CCDC77: variants seen among roughly 807,000 people sequenced by gnomAD.
CCDC77 encodes the protein coiled-coil domain-containing protein 77.
A neutral mutation model predicts 66.8 loss-of-function variants in CCDC77; 56 were observed. That is an observed-to-expected ratio of 0.84 (90% CI 0.68 to 1.05). CCDC77 has a LOEUF of 1.05. Among genes scored for constraint, CCDC77 ranks in the 50% least tolerant of loss-of-function variants. The pLI, the probability that CCDC77 is intolerant of heterozygous loss-of-function variation, is 0.00. For synonymous variants in CCDC77, 196 were observed against 195.2 expected, an observed-to-expected ratio of 1.00 and a Z score of -0.03; for missense variants, 570 against 576.8, an observed-to-expected ratio of 0.99 and a Z score of 0.12.
chr12:423,129 T>TCC (rs1555145496), intron 5 of CCDC77, among the ~76,000 whole-genome samples: 1 of 113,960 alleles, frequency 8.8e-6, no homozygotes, highest in African/African-American at 3.3e-5. Flanking sequence ...TTTTTTTTTT[T>TCC]TTTTTTTTTG....
At position 411,749 on chromosome 12, in the gene CCDC77, G is replaced by T. The variant is rs776322698; in HGVS notation, c.41G>T (p.Arg14Leu). 1.9e-6 allele frequency: 3 copies of T among 1,611,854 alleles called. No individual in the cohort carries two copies. The highest frequency in any genetic ancestry group is 2.5e-6 in the Non-Finnish European group (3 of 1,178,750). Reference sequence around the variant, plus strand: ...ATATCATTTCTAATTTCACGTAGGCGAACAGTTGTCTCCAAACGTGGTGTT... The same window carrying T: ...ATATCATTTCTAATTTCACGTAGGCTAACAGTTGTCTCCAAACGTGGTGTT... ...TPTHTPVCRKRTVVSKRGVAV... is the reference protein window; with the variant it reads ...TPTHTPVCRKLTVVSKRGVAV... Residue 14 changes from arginine to leucine, a missense_variant and splice_region_variant, in exon 4 of 13, where the codon CGA (arginine) becomes CTA (leucine). Arg to Leu is a moderately radical substitution (Grantham distance 102, BLOSUM62 -2). Transcript: ENST00000239830.
At chr12:438,766 A>G (rs1461454212) in intron 10 of CCDC77, among the ~76,000 whole-genome samples, 1 of 152,126 alleles carries the variant, frequency 6.6e-6, no homozygotes, top group African/African-American at 2.4e-5. Flanking sequence ...CATTCATTCA[A>G]CAAATATTTA....
At chr12:417,012 AC>A (rs1945299493) in intron 4 of CCDC77, among the ~76,000 whole-genome samples, 1 of 151,726 alleles carries the variant, frequency 6.6e-6, no homozygotes, top group Non-Finnish European at 1.5e-5. Context: ...GGTGGCACAT[AC>A]CTGTAGTCCC....
At position 430,657 on chromosome 12, in the gene CCDC77, T is replaced by G. The variant is rs752187495; in HGVS notation, c.511-7T>G. The G allele has an allele frequency of 2.5e-6, 4 of 1,611,804 alleles. No individual in the cohort carries two copies. The highest frequency in any genetic ancestry group is 3.4e-6 in the Non-Finnish European group (4 of 1,177,958). ...GGCTACTTCAATACCAGTTTTTGCT[T>G]CTTCAGGTCACCATTCTCCAAAAGA... On this transcript the variant is annotated splice_region_variant and splice_polypyrimidine_tract_variant and intron_variant, in intron 6 of 12. Coordinates refer to ENST00000239830, the MANE Select transcript of CCDC77 (RefSeq NM_032358.4).
At chr12:407,042 C>T (rs1945007587) in intron 2 of CCDC77, among the ~76,000 whole-genome samples, 1 of 152,222 alleles carries the variant, frequency 6.6e-6, no homozygotes, top group Non-Finnish European at 1.5e-5. Context: ...CGCAGTGACT[C>T]ATGCCTATAA....
At chr12:404,009 T>C (rs1218850457) in intron 1 of CCDC77, among the ~76,000 whole-genome samples, 1 of 152,110 alleles carries the variant, frequency 6.6e-6, no homozygotes. Flanking sequence ...GGTCCCAAAG[T>C]GATATATTTT....
chr12:422,413 A>T (rs1261649734), intron 5 of CCDC77, among the ~76,000 whole-genome samples: 1 of 152,246 alleles, frequency 6.6e-6, no homozygotes, highest in Non-Finnish European at 1.5e-5. Flanking sequence ...TTGTATACTC[A>T]TTCAACAGTA....
intron 1 of CCDC77, among the ~76,000 whole-genome samples, chr12:396,157 C>A (rs1025836820): frequency 6.6e-6 from 1 of 152,188 alleles, no homozygotes; most frequent in African/African-American, 2.4e-5. Flanking sequence ...TTTGGGAGGC[C>A]AAGGCGGGCA....
At chr12:402,513 G>A (rs576892205) in intron 1 of CCDC77, among the ~76,000 whole-genome samples, 7 of 152,186 alleles carry the variant, frequency 4.6e-5, no homozygotes, top group Middle Eastern at 3.2e-3. Flanking sequence ...CTAGAGGGAA[G>A]CTCATGAACA....
chr12:413,591 C>G (rs992947895), intron 4 of CCDC77, among the ~76,000 whole-genome samples: 1 of 150,228 alleles, frequency 6.7e-6, no homozygotes, highest in Non-Finnish European at 1.5e-5. Flanking sequence ...AGTCACACTT[C>G]CAGAATCTTT....
intron 1 of CCDC77, chr12:389,571 C>CGAGGCGGGGCGAGGCAG: frequency 4.5e-6 from 1 of 223,110 alleles, no homozygotes; most frequent in South Asian, 6.9e-5. Flanking sequence ...GGGCGAGGCG[C>CGAGGCGGGGCGAGGCAG]AACGAGGCGG....
At chr12:429,872 G>C (rs2041298) in intron 6 of CCDC77, among the ~76,000 whole-genome samples, 117,137 of 152,214 alleles carry the variant, frequency 0.77, 45,171 homozygotes, top group Middle Eastern at 0.85. Flanking sequence ...TCCTTCCACT[G>C]TAGCCAGCCT....
chr12:433,136 G>A, intron 8 of CCDC77, 38 bp from the exon 9 acceptor site: 1 of 1,578,512 alleles, frequency 6.3e-7, no homozygotes, highest in Non-Finnish European at 8.6e-7. Context: ...GTAAGTGGAA[G>A]TAGGGCTGGA....
intron 10 of CCDC77, among the ~76,000 whole-genome samples, chr12:439,952 C>T (rs1054233864): frequency 2.0e-5 from 3 of 152,014 alleles, no homozygotes; most frequent in Non-Finnish European, 4.4e-5. Flanking sequence ...TGGGACTAAG[C>T]TTGCCATACA....
At chr12:427,206 T>C (rs138247308) in intron 5 of CCDC77, among the ~76,000 whole-genome samples, 1,667 of 151,792 alleles carry the variant, frequency 0.011, 37 homozygotes, top group African/African-American at 0.036. Context: ...GATCATGCCA[T>C]TGCACTCCAG....
At position 438,530 on chromosome 12, in the gene CCDC77, C is replaced by G; in HGVS notation, c.1017C>G (p.His339Gln). ...GKVLPVMHES[H>Q]HAQSEYIKSL... The stretch of plus-strand genomic sequence containing the variant: ...TGTTGCCCGTTATGCATGAGAGTCA[C>G]CATGCTCAAAGTGAATATATTAAGG... The change falls in exon 10 of 13, where the codon CAC (histidine) becomes CAG (glutamine). Residue 339 changes from histidine (H) to glutamine (Q), a missense_variant. His to Gln is a conservative substitution (Grantham distance 24, BLOSUM62 0). Transcript: ENST00000239830. The G allele has an allele frequency of 1.2e-6, 2 of 1,611,740 alleles. No homozygotes were observed. Among genetic ancestry groups the G allele is most frequent in the Non-Finnish European group, 1.7e-6 (2 of 1,178,076 alleles).
intron 5 of CCDC77, among the ~76,000 whole-genome samples, chr12:427,719 G>A (rs140034105): frequency 0.012 from 1,820 of 152,028 alleles, 15 homozygotes; most frequent in Non-Finnish European, 0.017. Flanking sequence ...CAGGTGATCC[G>A]CCTGCCTCAG....
chr12:395,605 C>T (rs1475275801), intron 1 of CCDC77, among the ~76,000 whole-genome samples: 1 of 151,724 alleles, frequency 6.6e-6, no homozygotes, highest in Non-Finnish European at 1.5e-5. Flanking sequence ...GATTAAAAAA[C>T]AGTACAGGCC....
chr12:423,310 T>A lies in CCDC77; in HGVS notation c.413+4674T>A, dbSNP rs4980903. ...AGCTAATTTTTATATATATATATATTTTTTTTTTTTGTGGAGACAAGGTTT... is the reference window on the plus strand; with the variant it reads ...AGCTAATTTTTATATATATATATATATTTTTTTTTTGTGGAGACAAGGTTT... On this transcript the variant is annotated intron_variant, in intron 5 of 12. Coordinates refer to ENST00000239830, the MANE Select transcript of CCDC77 (RefSeq NM_032358.4). Among the ~76,000 whole-genome samples the A allele has an allele frequency of 4.0e-3, 313 of 78,624 alleles. 2 individuals carry two copies. The highest frequency in any genetic ancestry group is 0.01 in the African/African-American group (199 of 19,756). 51.6% of individuals were successfully genotyped at this position (78,624 alleles called of 152,430 possible). A position where few individuals can be genotyped will look rare whatever the true frequency, so the allele number is the denominator to read the frequency against.
Sources: allele counts gnomAD v4.1 joint callset (sites outside exome capture counted in the v4.1 genomes callset), GRCh38; gene constraint gnomAD v4.1.1; transcripts MANE v1.5; gene names NCBI Gene and HGNC (gene_info 2026-07-23, HGNC 2026-07-21).